Variants in WDFY2 observed in about 807,000 individuals in gnomAD.
WDFY2 encodes WD repeat and FYVE domain containing 2.
A neutral mutation model predicts 56.4 loss-of-function variants in WDFY2; 36 were observed. The observed-to-expected ratio is 0.64, with a 90% confidence interval of 0.49 to 0.84. WDFY2 has a LOEUF of 0.84. Among genes scored for constraint, WDFY2 ranks in the 40% least tolerant of loss-of-function variants. The pLI is 0.00. For missense variants in WDFY2, 444 were observed against 512.2 expected (o/e 0.87, Z 1.29); for synonymous variants, 176 against 183.7 (o/e 0.96, Z 0.34).
rs909843394 is a variant in WDFY2, at chr13:51,619,599, C to T, written c.137+34775C>T. 1.3e-5 allele frequency among the ~76,000 whole-genome samples: 2 copies of T among 152,134 alleles called. 1 individual carries two copies. The highest frequency in any genetic ancestry group is 3.8e-4 in the East Asian group (2 of 5,202). ...CAATTAAAATAAGGGTCAGAACAAA[C>T]AATGGTTATTTATGGAGCATGCAGG... On this transcript the variant is annotated intron_variant, in intron 1 of 11. Transcript: ENST00000298125.
chr13:51,612,369 C>G (rs919984595), intron 1 of WDFY2, among the ~76,000 whole-genome samples: 2 of 152,196 alleles, frequency 1.3e-5, no homozygotes, highest in African/African-American at 2.4e-5. Flanking sequence ...ATGACAGATA[C>G]TGCTTTGGAA....
chr13:51,600,062 T>G (rs1954238947), intron 1 of WDFY2, among the ~76,000 whole-genome samples: 1 of 152,206 alleles, frequency 6.6e-6, no homozygotes, highest in Non-Finnish European at 1.5e-5. Flanking sequence ...ACTCTTCATG[T>G]ATTTATTAAA....
intron 2 of WDFY2, among the ~76,000 whole-genome samples, chr13:51,672,014 C>G (rs1402248060): frequency 6.6e-6 from 1 of 152,050 alleles, no homozygotes. Context: ...AATCTCCTGA[C>G]CTCAAGTGAT....
rs1042734965 is a variant in WDFY2, at chr13:51,722,351, G to T, written c.485+3003G>T. 3.3e-5 allele frequency among the ~76,000 whole-genome samples: 5 copies of T among 152,158 alleles called. No homozygotes were observed. In the South Asian group the frequency reaches 1.0e-3, roughly 32 times the overall value. On this transcript the variant is annotated intron_variant, in intron 5 of 11. Coordinates refer to ENST00000298125, the MANE Select transcript of WDFY2 (RefSeq NM_052950.4). Reference sequence around the variant, plus strand: ...CCAAAATTCAAGTAGAAAAGTAAAGGAAGACAAAGAGACTGGTTCATAAAT... The same window carrying T: ...CCAAAATTCAAGTAGAAAAGTAAAGTAAGACAAAGAGACTGGTTCATAAAT...
intron 3 of WDFY2, among the ~76,000 whole-genome samples, chr13:51,681,242 A>G (rs920983614): frequency 3.3e-5 from 5 of 152,194 alleles, no homozygotes; most frequent in Non-Finnish European, 7.3e-5. Context: ...CAGCAGTGTA[A>G]TAGTAGACTC....
intron 1 of WDFY2, among the ~76,000 whole-genome samples, chr13:51,609,842 T>C (rs1240851185): frequency 3.3e-5 from 5 of 152,134 alleles, no homozygotes; most frequent in Non-Finnish European, 7.3e-5. Flanking sequence ...AAAGCTAAAT[T>C]GATTCTAAGG....
chr13:51,713,830 G>C (rs1952280955), intron 4 of WDFY2, among the ~76,000 whole-genome samples: 1 of 129,790 alleles, frequency 7.7e-6, no homozygotes, highest in South Asian at 2.5e-4. Context: ...CTGGGTGACA[G>C]AGCAAGATTC....
At chr13:51,701,098 T>C (rs1951975212) in intron 3 of WDFY2, among the ~76,000 whole-genome samples, 1 of 152,274 alleles carries the variant, frequency 6.6e-6, no homozygotes, top group Admixed American at 6.5e-5. Flanking sequence ...TTTAATGTTT[T>C]GTTTTATTAT....
chr13:51,669,441 G>T (rs1955769731), intron 2 of WDFY2, among the ~76,000 whole-genome samples: 1 of 152,102 alleles, frequency 6.6e-6, no homozygotes, highest in Non-Finnish European at 1.5e-5. Context: ...ACTAATATAA[G>T]ATAATAAGAG....
At chr13:51,740,550 C>G (rs543795865) in intron 7 of WDFY2, among the ~76,000 whole-genome samples, 1 of 152,162 alleles carries the variant, frequency 6.6e-6, no homozygotes, top group South Asian at 2.1e-4. Context: ...CCCGTTTCTA[C>G]TAAGAATACA....
rs1347378722 is a variant in WDFY2 at position 51,765,709 on chromosome 13, C to CTT, written c.*5944_*5945dup. 1 of 152,170 alleles carries CTT rather than the reference C, an allele frequency of 6.6e-6. No individual in the cohort carries two copies. The highest frequency in any genetic ancestry group is 2.4e-5 in the African/African-American group (1 of 41,432). 9.4% of individuals were successfully genotyped at this position (152,170 alleles called of 1,614,324 possible). A position where few individuals can be genotyped will look rare whatever the true frequency, so the allele number is the denominator to read the frequency against. On this transcript the variant is annotated 3_prime_UTR_variant, in exon 12 of 12. Transcript: ENST00000298125. ...CATATCAAGTGAGTTGCTTTCTGGACTTTTTCCATCTAGAGCCTGCTAGGT... is the reference window on the plus strand; with the variant it reads ...CATATCAAGTGAGTTGCTTTCTGGACTTTTTTTCCATCTAGAGCCTGCTAGGT...
Position 51,766,182 on chromosome 13 carries a change from T to C in WDFY2, c.*6413T>C, listed in dbSNP as rs968287772. ...TTATGGATTTGTGTCTTACACCATTTGCCTTGCTTTTTAAATGACTTTGTT... is the reference window on the plus strand; with the variant it reads ...TTATGGATTTGTGTCTTACACCATTCGCCTTGCTTTTTAAATGACTTTGTT... On this transcript the variant is annotated 3_prime_UTR_variant, in exon 12 of 12. Transcript: ENST00000298125. 6.6e-6 allele frequency: 1 copy of C among 152,276 alleles called. No homozygotes were observed. The highest frequency in any genetic ancestry group is 6.5e-5 in the Admixed American group (1 of 15,290). 9.4% of individuals were successfully genotyped at this position (152,276 alleles called of 1,614,324 possible). A position where few individuals can be genotyped will look rare whatever the true frequency, so the allele number is the denominator to read the frequency against.
chr13:51,622,102 C>T (rs990921136), intron 1 of WDFY2, among the ~76,000 whole-genome samples: 15 of 152,110 alleles, frequency 9.9e-5, no homozygotes, highest in Admixed American at 6.5e-4. Flanking sequence ...AATTGGAGGT[C>T]GTTATTAGTT....
intron 1 of WDFY2, among the ~76,000 whole-genome samples, chr13:51,641,325 T>C (rs570983406): frequency 6.6e-6 from 1 of 152,042 alleles, no homozygotes; most frequent in Admixed American, 6.5e-5. Context: ...CACCTTGGCC[T>C]CCCAGAATGC....
At chr13:51,751,653 C>A (rs1045234843) in intron 8 of WDFY2, among the ~76,000 whole-genome samples, 2 of 151,638 alleles carry the variant, frequency 1.3e-5, no homozygotes, top group African/African-American at 4.8e-5. Flanking sequence ...AAATCTGTTA[C>A]ACCATTCACA....
intron 5 of WDFY2, among the ~76,000 whole-genome samples, chr13:51,727,400 C>G (rs1331997955): frequency 2.6e-5 from 4 of 152,168 alleles, no homozygotes; most frequent in African/African-American, 9.7e-5. Context: ...ATGAACACTT[C>G]TGGCTATAGA....
intron 3 of WDFY2, among the ~76,000 whole-genome samples, chr13:51,687,039 A>C (rs1566122964): frequency 1.3e-5 from 2 of 150,476 alleles, no homozygotes; most frequent in Admixed American, 1.3e-4. Flanking sequence ...ATAATGTCAC[A>C]CTTATTTATA....
At chr13:51,746,023 C>G (rs1953095539) in intron 7 of WDFY2, among the ~76,000 whole-genome samples, 1 of 133,618 alleles carries the variant, frequency 7.5e-6, no homozygotes, top group Non-Finnish European at 1.5e-5. Flanking sequence ...GTCCCCCAGG[C>G]TGGAGTGCAA....
chr13:51,610,571 A>G (rs991216255), intron 1 of WDFY2, among the ~76,000 whole-genome samples: 2 of 152,176 alleles, frequency 1.3e-5, no homozygotes, highest in African/African-American at 4.8e-5. Flanking sequence ...GAGTAAGACA[A>G]CCAAACCCTC....
Sources: gnomAD v4.1 joint callset for allele counts (sites outside exome capture counted in the v4.1 genomes callset) on GRCh38, gnomAD v4.1.1 for gene constraint, MANE v1.5 for transcripts, NCBI Gene and HGNC (gene_info 2026-07-23, HGNC 2026-07-21) for gene names.